Variants in TTLL8 observed in about 807,000 individuals in gnomAD.
TTLL8 encodes the protein tubulin tyrosine ligase like 8.
In TTLL8, 65 loss-of-function variants were observed where a neutral mutation model predicts 77.8. The observed-to-expected ratio is 0.84, with a 90% CI of 0.68 to 1.03. The LOEUF (loss-of-function observed/expected upper bound fraction) is 1.03. TTLL8 is among the 50% of genes least tolerant of loss of function. The pLI is 0.00. For missense variants in TTLL8, 910 were observed against 1,004.5 expected (o/e 0.91, Z 1.27); for synonymous variants, 402 against 422.8 (o/e 0.95, Z 0.60).
At chr22:50,052,067 C>CTGAGTCTGAGTCCCAGCACCCACA (rs879712111) in intron 1 of TTLL8, among the ~76,000 whole-genome samples, 2 of 151,836 alleles carry the variant, frequency 1.3e-5, no homozygotes, top group East Asian at 3.9e-4. Flanking sequence ...TCTGGGAACC[C>CTGAGTCTGAGTCCCAGCACCCACA]CGAGTCTGAG....
chr22:50,039,993 G>C (rs2061359865), intron 8 of TTLL8, among the ~76,000 whole-genome samples: 1 of 150,034 alleles, frequency 6.7e-6, no homozygotes, highest in Non-Finnish European at 1.5e-5. Context: ...AGCAGGGACA[G>C]ACCTCACAGA....
rs2061455428 is a variant in TTLL8, at chr22:50,053,566, ATGTT to A, written c.51+1006_51+1009del. ...TACATTTATAAACTTTAAAACATTT[ATGTT>A]TATAAATGTTTATACATTTAAAGGT... On this transcript the variant is annotated intron_variant, in intron 1 of 13. Transcript: ENST00000266182. Among the ~76,000 whole-genome samples, 3 of 152,334 alleles carry A rather than the reference ATGTT, an allele frequency of 2.0e-5. No individual in the cohort carries two copies. In the South Asian group the frequency reaches 6.2e-4, roughly 32 times the overall value.
chr22:50,037,086 C>T (rs1274364207), intron 8 of TTLL8, among the ~76,000 whole-genome samples: 1 of 152,182 alleles, frequency 6.6e-6, no homozygotes, highest in African/African-American at 2.4e-5. Flanking sequence ...TATGTAGATG[C>T]CTAAACGTGT....
At chr22:50,033,388 G>C (rs1392474730) in exon 10 of TTLL8, 9 of 1,365,262 alleles carry the variant, frequency 6.6e-6, no homozygotes, top group Non-Finnish European at 8.8e-6. Flanking sequence ...CCTGGAAAGA[G>C]GGTGGTCTGC....
At chr22:50,030,881 C>T in exon 12 of TTLL8, 1 of 1,326,554 alleles carries the variant, frequency 7.5e-7, no homozygotes, top group Non-Finnish European at 9.9e-7. Context: ...TGACGCCCGC[C>T]ACGCAGAGGT....
In TTLL8 at chr22:50,041,595, G is replaced by A. The variant is rs370036081; in HGVS notation, c.830+26C>T. On this transcript the variant is annotated intron_variant, in intron 7 of 13. Coordinates refer to ENST00000266182, the Ensembl canonical transcript of TTLL8. This position sits in a 1 kb window ranked among gnomAD's most constrained non-coding sequence, Gnocchi z 4.3. ...CAATCTGCACTCACAGCTCCGACAT[G>A]TGCCAGGGGCCTGCGTAAGTCTTAC... 21 of 1,325,492 alleles carry A rather than the reference G, an allele frequency of 1.6e-5. No homozygotes were observed. The highest frequency in any genetic ancestry group is 2.2e-5 in the Admixed American group (1 of 45,114). The allele number at this position is 1,325,492 out of a possible 1,614,324, so 82.1% of individuals were successfully genotyped here.
Position 50,030,941 on chromosome 22 carries a change from A to G in TTLL8, c.1708-16T>C, listed in dbSNP as rs1027055769. 3.0e-6 allele frequency: 4 copies of G among 1,313,198 alleles called. No individual in the cohort carries two copies. The highest frequency in any genetic ancestry group is 2.1e-5 in the Admixed American group (1 of 46,616). 81.3% of individuals were successfully genotyped at this position (1,313,198 alleles called of 1,614,324 possible). A position where few individuals can be genotyped will look rare whatever the true frequency, so the allele number is the denominator to read the frequency against. ...CAACCACCGGCTGTGGGGAAGGAAC[A>G]GGTTGGGGTGCTGGGCTGTGGCCGG... On this transcript the variant is annotated splice_polypyrimidine_tract_variant and intron_variant, in intron 11 of 13. Coordinates refer to ENST00000266182, the Ensembl canonical transcript of TTLL8.
exon 12 of TTLL8, chr22:50,030,747 G>A (rs1339557847): frequency 3.0e-6 from 4 of 1,329,940 alleles, no homozygotes; most frequent in South Asian, 2.4e-5. Context: ...TGGTGATGGG[G>A]GTCCCTGGGC....
At chr22:50,033,484 C>T in intron 9 of TTLL8, 39 bp from the exon 11 acceptor site, 3 of 1,341,686 alleles carry the variant, frequency 2.2e-6, no homozygotes, top group Non-Finnish European at 2.0e-6. Context: ...TGCACAGCCA[C>T]TGTGCAGCGG....
chr22:50,048,128 G>GTA (rs1354814655), intron 3 of TTLL8, among the ~76,000 whole-genome samples: 1 of 151,684 alleles, frequency 6.6e-6, no homozygotes, highest in Non-Finnish European at 1.5e-5. Context: ...GTGTGTGTGT[G>GTA]TGTGTGTGTG....
At chr22:50,047,189 C>T in exon 4 of TTLL8, 1 of 1,367,522 alleles carries the variant, frequency 7.3e-7, no homozygotes, top group Non-Finnish European at 9.8e-7. Context: ...AGGAGGCTGT[C>T]TTTGCGTAGT....
upstream of TTLL8, among the ~76,000 whole-genome samples, chr22:50,057,333 T>C (rs1409525549): frequency 1.6e-5 from 1 of 62,610 alleles, no homozygotes; most frequent in African/African-American, 1.2e-4. Context: ...CAGGTCTGGG[T>C]TGTGAGTCAG....
At position 50,021,913 on chromosome 22, in the gene TTLL8, A is replaced by T. The variant is rs191899012; in HGVS notation, c.2204-5351T>A. Among the ~76,000 whole-genome samples the T allele has an allele frequency of 3.5e-3, 342 of 98,098 alleles. 11 individuals are homozygous for T. The highest frequency in any genetic ancestry group is 4.7e-3 in the Non-Finnish European group (214 of 45,354). The allele number at this position is 98,098 out of a possible 152,430, so 64.4% of individuals were successfully genotyped here. A position where few individuals can be genotyped will look rare whatever the true frequency, so the allele number is the denominator to read the frequency against. ...CTGACGTGCACTCCTCCATCTGATG[A>T]TGTGTACTCCTCCACCTGACATGCA... On this transcript the variant is annotated intron_variant, in intron 12 of 13. Coordinates refer to ENST00000266182, the Ensembl canonical transcript of TTLL8.
intron 12 of TTLL8, among the ~76,000 whole-genome samples, chr22:50,020,822 G>A (rs374570551): frequency 1.7e-3 from 245 of 143,728 alleles, no homozygotes; most frequent in African/African-American, 5.3e-3. Context: ...TCCATCTGAC[G>A]TGCACTCCTC....
intron 12 of TTLL8, among the ~76,000 whole-genome samples, chr22:50,021,703 A>T (rs2146623200): frequency 8.0e-6 from 1 of 124,574 alleles, no homozygotes; most frequent in African/African-American, 3.2e-5. Flanking sequence ...GCACTCCTCC[A>T]TCTGATGATG....
At chr22:50,054,112 A>G (rs1013552183) in intron 1 of TTLL8, among the ~76,000 whole-genome samples, 6 of 152,190 alleles carry the variant, frequency 3.9e-5, no homozygotes, top group African/African-American at 7.2e-5. Context: ...GCTGTACCTC[A>G]GAGGGGAGTT....
exon 10 of TTLL8, chr22:50,033,372 G>C: frequency 7.3e-7 from 1 of 1,365,276 alleles, no homozygotes; most frequent in Non-Finnish European, 9.8e-7. Flanking sequence ...CCACCCACTT[G>C]TTGTCCCTGG....
chr22:50,047,040 G>T, intron 4 of TTLL8, 128 bp downstream of exon 6: 1 of 1,204,734 alleles, frequency 8.3e-7, no homozygotes, highest in South Asian at 1.5e-5. Context: ...CTTAGACCAG[G>T]AGTCCTGGGA....
chr22:50,054,582 A>C (rs1314282482), exon 1 of TTLL8: 2 of 247,810 alleles, frequency 8.1e-6, no homozygotes, highest in Admixed American at 8.0e-5. Flanking sequence ...CTACGCAGGC[A>C]TTCTCTGAGT....
Sources: gnomAD v4.1 joint callset for allele counts (sites outside exome capture counted in the v4.1 genomes callset) on GRCh38, gnomAD v4.1.1 for gene constraint, Gnocchi (gnomAD v3.1) non-coding constraint, MANE v1.5 for transcripts, NCBI Gene and HGNC (gene_info 2026-07-23, HGNC 2026-07-21) for gene names.